Variants in MARCKS observed in about 807,000 individuals in gnomAD.
MARCKS encodes the protein myristoylated alanine-rich C-kinase substrate.
A neutral mutation model predicts 6.3 loss-of-function variants in MARCKS; 4 were observed. That is an observed-to-expected ratio of 0.63 (90% CI 0.31 to 1.45). The LOEUF is 1.45. Among genes scored for constraint, MARCKS ranks in the 40% most tolerant of loss-of-function variants. The pLI, the probability that MARCKS is intolerant of heterozygous loss-of-function variation, is 0.07. For missense variants in MARCKS, 636 were observed against 485.7 expected, an observed-to-expected ratio of 1.31 and a Z score of -2.91; for synonymous variants, 289 against 236.5, an observed-to-expected ratio of 1.22 and a Z score of -2.04.
chr6:113,860,374 A>G lies in MARCKS; in HGVS notation c.794A>G (p.Glu265Gly). 7.8e-7 allele frequency: 1 copy of G among 1,277,168 alleles called. No individual in the cohort carries two copies. Among genetic ancestry groups the G allele is most frequent in the Non-Finnish European group, 1.0e-6 (1 of 985,090 alleles). The allele number at this position is 1,277,168 out of a possible 1,614,324, so 79.1% of individuals were successfully genotyped here. A position where few individuals can be genotyped will look rare whatever the true frequency, so the allele number is the denominator to read the frequency against. The change falls in exon 2 of 2, where the codon GAG becomes GGG. Residue 265 changes from glutamate to glycine, a missense_variant. By Grantham distance (98) the Glu-to-Gly change is moderately conservative (BLOSUM62 -2). Transcript: ENST00000612661. ...TKAAEEPSKV[E>G]EKKAEEAGAS... ...GCCGCCGAGGAGCCCAGCAAGGTGGAGGAGAAAAAGGCCGAGGAGGCCGGG... is the reference window on the plus strand; with the variant it reads ...GCCGCCGAGGAGCCCAGCAAGGTGGGGGAGAAAAAGGCCGAGGAGGCCGGG...
chr6:113,860,042 A>T lies in MARCKS; in HGVS notation c.462A>T (p.Lys154Asn). 2 of 1,573,360 alleles carry T rather than the reference A, an allele frequency of 1.3e-6. No individual in the cohort carries two copies. Among genetic ancestry groups the T allele is most frequent in the Non-Finnish European group, 1.7e-6 (2 of 1,162,570 alleles). The change falls in exon 2 of 2, where the codon AAA becomes AAT. Residue 154 changes from lysine (K) to asparagine (N), a missense_variant. Coordinates refer to ENST00000612661, the MANE Select transcript of MARCKS (RefSeq NM_002356.7). ...PSPSNETPKK[K>N]KKRFSFKKSF... ...CCAGCAACGAGACCCCGAAAAAAAA[A>T]AAGAAGCGCTTTTCCTTCAAGAAGT...
chr6:113,858,309 T>C (rs2114519800), intron 1 of MARCKS, among the ~76,000 whole-genome samples: 1 of 149,112 alleles, frequency 6.7e-6, no homozygotes, highest in East Asian at 2.0e-4. Context: ...GGGATGGTGG[T>C]GGAGAAAGGC....
Position 113,860,171 on chromosome 6 carries a change from CG to C in MARCKS, c.596del (p.Gly199AlafsTer170). 3.0e-6 allele frequency: 4 copies of C among 1,321,160 alleles called. No individual in the cohort carries two copies. Among genetic ancestry groups the C allele is most frequent in the East Asian group, 3.3e-5 (1 of 30,450 alleles). The allele number at this position is 1,321,160 out of a possible 1,614,324, so 81.8% of individuals were successfully genotyped here. The stretch of plus-strand genomic sequence containing the variant: ...CCGAAGGCGGCAAGGACGAGGCCGC[CG>C]GGGGCGCAGCTGCGGCCGCCGCCGA... ...AAEGGKDEAA[G>X]GAAAAAAEAG... On this transcript the variant is annotated frameshift_variant, in exon 2 of 2. Coordinates refer to ENST00000612661, the MANE Select transcript of MARCKS (RefSeq NM_002356.7). LOFTEE classifies it low-confidence loss of function (END_TRUNC).
Position 113,862,076 on chromosome 6 carries a change from G to C in MARCKS, c.*1497G>C, listed in dbSNP as rs1170710460. On this transcript the variant is annotated 3_prime_UTR_variant, in exon 2 of 2. Transcript: ENST00000612661. ...TTTATTGTAGCTATATAGCATGTCA[G>C]ATTAAATCATTTACAACAAAAGGGG... The C allele has an allele frequency of 1.3e-5, 2 of 152,102 alleles. No individual in the cohort carries two copies. The highest frequency in any genetic ancestry group is 4.8e-5 in the African/African-American group (2 of 41,424). 9.4% of individuals were successfully genotyped at this position (152,102 alleles called of 1,614,324 possible).
Position 113,863,014 on chromosome 6 carries a change from T to C in MARCKS, c.*2435T>C, listed in dbSNP as rs1362254627. ...TATGTAGTAAGACTCAGTAAAAAAG[T>C]GGATTTTTAAAAATAACTCCCAAAG... On this transcript the variant is annotated 3_prime_UTR_variant, in exon 2 of 2. Coordinates refer to ENST00000612661, the MANE Select transcript of MARCKS (RefSeq NM_002356.7). 1 of 152,172 alleles carries C rather than the reference T, an allele frequency of 6.6e-6. No homozygotes were observed. The highest frequency in any genetic ancestry group is 1.5e-5 in the Non-Finnish European group (1 of 67,988). 9.4% of individuals were successfully genotyped at this position (152,172 alleles called of 1,614,324 possible).
rs1210218199 is a variant in MARCKS, at chr6:113,859,691, C to T, written c.111C>T (p.Gly37=). 4.0e-6 allele frequency: 6 copies of T among 1,504,436 alleles called. No homozygotes were observed. The highest frequency in any genetic ancestry group is 5.3e-6 in the Non-Finnish European group (6 of 1,127,252). The allele number at this position is 1,504,436 out of a possible 1,614,324, so 93.2% of individuals were successfully genotyped here. A position where few individuals can be genotyped will look rare whatever the true frequency, so the allele number is the denominator to read the frequency against. The stretch of plus-strand genomic sequence containing the variant: ...CTTTCTCTGCCCCTTAGGAGAATGG[C>T]CACGTGAAGGTAAACGGCGACGCTT... ...SPSKANGQEN[G]HVKVNGDASP... The change falls in exon 2 of 2, where the codon GGC becomes GGT. Residue 37 remains glycine, a synonymous_variant. Coordinates refer to ENST00000612661, the MANE Select transcript of MARCKS (RefSeq NM_002356.7).
At position 113,860,282 on chromosome 6, in the gene MARCKS, G is replaced by A; in HGVS notation, c.702G>A (p.Pro234=). 2 of 1,225,336 alleles carry A rather than the reference G, an allele frequency of 1.6e-6. No individual in the cohort carries two copies. The highest frequency in any genetic ancestry group is 1.0e-6 in the Non-Finnish European group (1 of 960,676). 75.9% of individuals were successfully genotyped at this position (1,225,336 alleles called of 1,614,324 possible). The part of the protein sequence containing the change: ...AGEEGAAGGD[P]QEAKPQEAAV... ...AGGAGGGGGCGGCGGGTGGCGACCC[G>A]CAGGAGGCCAAGCCCCAGGAGGCCG... is the stretch of plus-strand genomic sequence containing the variant. The change falls in exon 2 of 2, where the codon CCG becomes CCA. Residue 234 remains proline (P), a synonymous_variant. Coordinates refer to ENST00000612661, the MANE Select transcript of MARCKS (RefSeq NM_002356.7).
chr6:113,858,472 C>T (rs1362671719), intron 1 of MARCKS, among the ~76,000 whole-genome samples: 1 of 152,222 alleles, frequency 6.6e-6, no homozygotes, highest in East Asian at 1.9e-4. Context: ...TGTGGAATTA[C>T]ACATCCATTT....
At chr6:113,859,156 C>A (rs1214189518) in intron 1 of MARCKS, among the ~76,000 whole-genome samples, 1 of 152,176 alleles carries the variant, frequency 6.6e-6, no homozygotes, top group Admixed American at 6.5e-5. Flanking sequence ...CTCGGAGGGC[C>A]CCGCGCGGGC....
At chr6:113,859,040 G>A (rs1230590487) in intron 1 of MARCKS, among the ~76,000 whole-genome samples, 2 of 152,018 alleles carry the variant, frequency 1.3e-5, no homozygotes, top group Admixed American at 6.5e-5. Flanking sequence ...TGGGCAGGGC[G>A]GGGTGGCCCG....
In MARCKS at chr6:113,859,953, G is replaced by A. The variant is rs779026873; in HGVS notation, c.373G>A (p.Glu125Lys). The change falls in exon 2 of 2, where the codon GAG becomes AAG. Residue 125 changes from glutamate to lysine, a missense_variant. By Grantham distance (56) the Glu-to-Lys change is moderately conservative. Transcript: ENST00000612661. ...EPGSPTAAEG[E>K]AASAASSTSS... ...CGGCTCGCCCACGGCCGCGGAGGGA[G>A]AGGCCGCGTCGGCCGCCTCCTCGAC... The A allele has an allele frequency of 1.1e-5, 16 of 1,504,588 alleles. No individual in the cohort carries two copies. The highest frequency in any genetic ancestry group is 2.1e-5 in the Admixed American group (1 of 47,188). 93.2% of individuals were successfully genotyped at this position (1,504,588 alleles called of 1,614,324 possible).
chr6:113,860,605 G>A lies in MARCKS; in HGVS notation c.*26G>A. 1 of 1,502,176 alleles carries A rather than the reference G, an allele frequency of 6.7e-7. No individual in the cohort carries two copies. The highest frequency in any genetic ancestry group is 8.9e-7 in the Non-Finnish European group (1 of 1,127,846). The allele number at this position is 1,502,176 out of a possible 1,614,324, so 93.1% of individuals were successfully genotyped here. On this transcript the variant is annotated 3_prime_UTR_variant, in exon 2 of 2. Transcript: ENST00000612661. ...AAGAGCAAGCTTTTGTGAGATAATC[G>A]AAGAACTTTTCTCCCCCGTTTGTTT...
Position 113,859,989 on chromosome 6 carries a change from A to C in MARCKS, c.409A>C (p.Lys137Gln), listed in dbSNP as rs761626066. Residue 137 changes from lysine (K) to glutamine (Q), a missense_variant, in exon 2 of 2, where the codon AAG becomes CAG. Coordinates refer to ENST00000612661, the MANE Select transcript of MARCKS (RefSeq NM_002356.7). ...GGCCGCCTCCTCGACTTCTTCGCCC[A>C]AGGCCGAGGACGGGGCCACGCCCTC... is the stretch of plus-strand genomic sequence containing the variant. ...ASAASSTSSP[K>Q]AEDGATPSPS... is the part of the protein sequence containing the mutation. The C allele has an allele frequency of 4.5e-6, 7 of 1,555,168 alleles. No individual in the cohort carries two copies. The Admixed American group carries it at 1.1e-4, about 24-fold the overall frequency.
chr6:113,859,141 A>AG (rs1774835445), intron 1 of MARCKS, among the ~76,000 whole-genome samples: 1 of 152,170 alleles, frequency 6.6e-6, no homozygotes, highest in Non-Finnish European at 1.5e-5. Context: ...GGGTGGGCGC[A>AG]GGAGCTCGGA....
chr6:113,859,810 GC>G lies in MARCKS; in HGVS notation c.231del (p.Ser77ArgfsTer27). On this transcript the variant is annotated frameshift_variant, in exon 2 of 2. Coordinates refer to ENST00000612661, the MANE Select transcript of MARCKS (RefSeq NM_002356.7). LOFTEE classifies it low-confidence loss of function (END_TRUNC). ...ADKEEPAAAG[S>X]GAASPSAAEK... ...AAGGAGGAGCCCGCGGCCGCCGGGAGCGGGGCGGCGTCGCCCTCCGCGGCCG... is the reference window on the plus strand; with the variant it reads ...AAGGAGGAGCCCGCGGCCGCCGGGAGGGGGCGGCGTCGCCCTCCGCGGCCG... 1 of 1,348,768 alleles carries G rather than the reference GC, an allele frequency of 7.4e-7. No homozygotes were observed. The highest frequency in any genetic ancestry group is 9.5e-7 in the Non-Finnish European group (1 of 1,053,926). The allele number at this position is 1,348,768 out of a possible 1,614,324, so 83.6% of individuals were successfully genotyped here.
chr6:113,861,966 G>T lies in MARCKS; in HGVS notation c.*1387G>T, dbSNP rs754585621. On this transcript the variant is annotated 3_prime_UTR_variant, in exon 2 of 2. Coordinates refer to ENST00000612661, the MANE Select transcript of MARCKS (RefSeq NM_002356.7). Reference sequence around the variant, plus strand: ...ATAATCCGCAGTGTCAGATTACGTAGAGGAAGATCTTACAACATTTCCATG... The same window carrying T: ...ATAATCCGCAGTGTCAGATTACGTATAGGAAGATCTTACAACATTTCCATG... 5 of 74,440 alleles carry T rather than the reference G, an allele frequency of 6.7e-5. No individual in the cohort carries two copies. The Admixed American group carries it at 6.8e-4, about 10-fold the overall frequency. 4.6% of individuals were successfully genotyped at this position (74,440 alleles called of 1,614,324 possible).
rs1365758723 is a variant in MARCKS at position 113,859,959 on chromosome 6, G to A, written c.379G>A (p.Ala127Thr). 7 of 1,512,822 alleles carry A rather than the reference G, an allele frequency of 4.6e-6. No homozygotes were observed. The highest frequency in any genetic ancestry group is 4.3e-5 in the African/African-American group (3 of 69,748). The allele number at this position is 1,512,822 out of a possible 1,614,324, so 93.7% of individuals were successfully genotyped here. The change falls in exon 2 of 2, where the codon GCG becomes ACG. Residue 127 changes from alanine (A) to threonine (T), a missense_variant. Ala to Thr is a moderately conservative substitution (Grantham distance 58). Coordinates refer to ENST00000612661, the MANE Select transcript of MARCKS (RefSeq NM_002356.7). ...GSPTAAEGEAASAASSTSSPK... is the reference protein window; with the variant it reads ...GSPTAAEGEATSAASSTSSPK... ...GCCCACGGCCGCGGAGGGAGAGGCCGCGTCGGCCGCCTCCTCGACTTCTTC... is the reference window on the plus strand; with the variant it reads ...GCCCACGGCCGCGGAGGGAGAGGCCACGTCGGCCGCCTCCTCGACTTCTTC...
rs576844500 is a variant in MARCKS, at chr6:113,862,283, T to C, written c.*1704T>C. The C allele has an allele frequency of 6.6e-6, 1 of 152,234 alleles. No homozygotes were observed. Among genetic ancestry groups the C allele is most frequent in the Non-Finnish European group, 1.5e-5 (1 of 67,946 alleles). The allele number at this position is 152,234 out of a possible 1,614,324, so 9.4% of individuals were successfully genotyped here. On this transcript the variant is annotated 3_prime_UTR_variant, in exon 2 of 2. Coordinates refer to ENST00000612661, the MANE Select transcript of MARCKS (RefSeq NM_002356.7). ...GATGGTGTATTACCTGCTATTGTAA[T>C]TGCTTAGTGCTTGGCTAATTTCCAA...
At chr6:113,859,657 A>G in intron 1 of MARCKS, 26 bp from the exon 2 acceptor site, 1 of 1,458,402 alleles carries the variant, frequency 6.9e-7, no homozygotes, top group Non-Finnish European at 9.1e-7. Context: ...CGCTTCAGTG[A>G]CGCTCCCGCT....
Sources: allele counts gnomAD v4.1 joint callset (sites outside exome capture counted in the v4.1 genomes callset), GRCh38; gene constraint gnomAD v4.1.1; transcripts MANE v1.5; gene names NCBI Gene and HGNC (gene_info 2026-07-23, HGNC 2026-07-21).